The following AKAP13 variants were observed in gnomAD, a reference collection of about 807,000 sequenced individuals.
The protein encoded by AKAP13 is A-kinase anchoring protein 13, also known as A-kinase anchor protein 13.
In AKAP13, 80 loss-of-function variants were observed where a neutral mutation model predicts 264.5. That is an observed-to-expected ratio of 0.30 (90% CI 0.25 to 0.36). The LOEUF is 0.36. Ranked by LOEUF, AKAP13 falls within the 10% of genes least tolerant of loss-of-function variation. AKAP13 has a pLI of 1.00. For missense variants in AKAP13, 3,712 were observed against 3,435.2 expected (o/e 1.08, Z -2.01); for synonymous variants, 1,380 against 1,250.2 (o/e 1.10, Z -2.19).
intron 4 of AKAP13, chr15:85,535,632 A>T (rs1334570647): frequency 6.6e-6 from 1 of 152,164 alleles, no homozygotes; most frequent in Non-Finnish European, 1.5e-5. Flanking sequence ...GTGTCAAGAT[A>T]GTACTGCATT....
At chr15:85,632,057 T>C (rs1421805674) in intron 8 of AKAP13, among the ~76,000 whole-genome samples, 2 of 152,216 alleles carry the variant, frequency 1.3e-5, no homozygotes, top group Admixed American at 1.3e-4. Context: ...TTTTTAATAC[T>C]ATATAATATA....
intron 8 of AKAP13, among the ~76,000 whole-genome samples, chr15:85,635,581 CT>C (rs889132226): frequency 4.0e-5 from 6 of 151,596 alleles, no homozygotes; most frequent in Non-Finnish European, 7.4e-5. Flanking sequence ...TAGATTTATC[CT>C]TTTTTTTCAT....
At chr15:85,611,444 C>G (rs567053568) in intron 8 of AKAP13, among the ~76,000 whole-genome samples, 13 of 152,322 alleles carry the variant, frequency 8.5e-5, no homozygotes, top group African/African-American at 3.1e-4. Context: ...CATCGTCACA[C>G]TTCTTTTACT....
intron 3 of AKAP13, among the ~76,000 whole-genome samples, chr15:85,531,741 A>G (rs752994418): frequency 1.3e-5 from 2 of 152,196 alleles, no homozygotes; most frequent in Non-Finnish European, 2.9e-5. Context: ...CCTTCTTAGA[A>G]AGAATTCGAC....
intron 1 of AKAP13, among the ~76,000 whole-genome samples, chr15:85,392,251 A>AT (rs57208601): frequency 0.037 from 3,953 of 106,280 alleles, 292 homozygotes; most frequent in African/African-American, 0.075. Context: ...GCCCTTAATA[A>AT]TTTTTTTTTT....
At chr15:85,734,877 A>C in intron 30 of AKAP13, 115 bp from the exon 31 acceptor site, 1 of 1,375,870 alleles carries the variant, frequency 7.3e-7, no homozygotes, top group South Asian at 1.4e-5. Context: ...GAACTCACCC[A>C]GTCACTCTTT....
At position 85,580,081 on chromosome 15, in the gene AKAP13, A is replaced by G. The variant is rs1260067160; in HGVS notation, c.2013A>G (p.Thr671=). The change falls in exon 7 of 37, where the codon ACA becomes ACG. Residue 671 remains threonine (T), a synonymous_variant. Coordinates refer to ENST00000394518, the MANE Select transcript of AKAP13 (RefSeq NM_007200.5). ...CAGACTCTGCATGTCAACAGAACAC[A>G]GTGACTTCTAGTGGCGATTTGGTTG... The part of the protein sequence containing the change: ...LCADSACQQN[T]VTSSGDLVAK... 3.7e-6 allele frequency: 6 copies of G among 1,614,130 alleles called. No individual in the cohort carries two copies. The East Asian group carries it at 1.1e-4, about 30-fold the overall frequency.
chr15:85,640,768 T>C (rs1273547955), intron 9 of AKAP13, among the ~76,000 whole-genome samples: 8 of 152,218 alleles, frequency 5.3e-5, no homozygotes, highest in Admixed American at 4.6e-4. Context: ...AGTGAGACTT[T>C]CTGCCAAGTA....
chr15:85,723,415 C>A, intron 26 of AKAP13, 95 bp downstream of exon 26: 1 of 1,525,368 alleles, frequency 6.6e-7, no homozygotes, highest in Non-Finnish European at 8.8e-7. Flanking sequence ...GATTTTTTTC[C>A]CAGAGAGCCC....
intron 9 of AKAP13, among the ~76,000 whole-genome samples, chr15:85,641,376 G>T (rs551496065): frequency 4.3e-4 from 65 of 150,870 alleles, no homozygotes; most frequent in African/African-American, 1.6e-3. Flanking sequence ...AACCTGGGAG[G>T]CGGAGGTTGC....
chr15:85,462,880 C>A (rs1020462622), intron 1 of AKAP13, among the ~76,000 whole-genome samples: 2 of 150,244 alleles, frequency 1.3e-5, no homozygotes, highest in African/African-American at 4.9e-5. Context: ...AAAAATTAGC[C>A]GGGCGTAGTG....
chr15:85,381,789 G>A (rs930853760), intron 1 of AKAP13: 1 of 152,010 alleles, frequency 6.6e-6, no homozygotes, highest in South Asian at 2.1e-4. Context: ...TATTGCTTCA[G>A]TACAGTAAAA....
chr15:85,639,541 T>C, intron 9 of AKAP13, 92 bp downstream of exon 9: 1 of 941,374 alleles, frequency 1.1e-6, no homozygotes, highest in Non-Finnish European at 1.7e-6. Context: ...TAGCATGTTA[T>C]ACAGTAAATC....
At chr15:85,538,372 A>T (rs1195913841) in intron 4 of AKAP13, among the ~76,000 whole-genome samples, 1 of 152,136 alleles carries the variant, frequency 6.6e-6, no homozygotes, top group African/African-American at 2.4e-5. Flanking sequence ...AAACTGCAGT[A>T]AGAACAGCCT....
intron 30 of AKAP13, among the ~76,000 whole-genome samples, chr15:85,732,938 C>T (rs752762534): frequency 3.6e-4 from 55 of 151,990 alleles, no homozygotes; most frequent in African/African-American, 1.2e-3. Flanking sequence ...ACTTGCTGTC[C>T]GCATTCTCCC....
chr15:85,400,858 GTA>G (rs71460458), intron 1 of AKAP13, among the ~76,000 whole-genome samples: 1,620 of 108,240 alleles, frequency 0.015, 33 homozygotes, highest in African/African-American at 0.043. Flanking sequence ...ATATATATAT[GTA>G]TATATATATA....
chr15:85,582,877 A>G, intron 7 of AKAP13: 1 of 985,470 alleles, frequency 1.0e-6, no homozygotes. Flanking sequence ...TGTCTGCTTT[A>G]TCTTGGTGAA....
chr15:85,719,418 C>G, intron 23 of AKAP13, 92 bp downstream of exon 23: 1 of 1,485,552 alleles, frequency 6.7e-7, no homozygotes, highest in Non-Finnish European at 9.1e-7. Flanking sequence ...CTTCTTTCTA[C>G]CATTTATTAT....
At chr15:85,649,505 A>T (rs2082707523) in intron 10 of AKAP13, among the ~76,000 whole-genome samples, 1 of 152,204 alleles carries the variant, frequency 6.6e-6, no homozygotes, top group Non-Finnish European at 1.5e-5. Flanking sequence ...CTAAAAAATA[A>T]TCTGTAGGCG....
Sources: gnomAD v4.1 joint callset for allele counts (sites outside exome capture counted in the v4.1 genomes callset) on GRCh38, gnomAD v4.1.1 for gene constraint, MANE v1.5 for transcripts, NCBI Gene and HGNC (gene_info 2026-07-23, HGNC 2026-07-21) for gene names.